The following MGARP variants were observed in gnomAD, a reference collection of about 807,000 sequenced individuals.
MGARP encodes protein MGARP.
MGARP carries 12 observed loss-of-function variants against 11.0 expected under a neutral mutation model. That is an observed-to-expected ratio of 1.09 (90% CI 0.70 to 1.77). The LOEUF is 1.77. Ranked by LOEUF, MGARP falls within the 40% of genes most tolerant of loss-of-function variation. MGARP has a pLI of 0.00. For missense variants in MGARP, 283 were observed against 297.8 expected, an observed-to-expected ratio of 0.95 and a Z score of 0.36; for synonymous variants, 110 against 115.4, an observed-to-expected ratio of 0.95 and a Z score of 0.30.
At chr4:139,275,505 A>G in intron 1 of MGARP, 113 bp from the exon 2 acceptor site, 2 of 745,038 alleles carry the variant, frequency 2.7e-6, no homozygotes, top group Admixed American at 2.7e-5. Context: ...TATTAACATC[A>G]AGTGATTTTA....
intron 1 of MGARP, 84 bp from the exon 2 acceptor site, chr4:139,275,476 A>G: frequency 9.7e-7 from 1 of 1,032,978 alleles, no homozygotes; most frequent in Non-Finnish European, 1.5e-6. Flanking sequence ...AAATTTTTCT[A>G]CTCAGTGAAC....
intron 1 of MGARP, among the ~76,000 whole-genome samples, chr4:139,277,815 CTAAAACG>C (rs1488267422): frequency 6.6e-6 from 1 of 152,164 alleles, no homozygotes; most frequent in Non-Finnish European, 1.5e-5. Context: ...ACTAAATATA[CTAAAACG>C]TAATTAGTTG....
At chr4:139,269,892 T>C (rs1268297964) in intron 2 of MGARP, among the ~76,000 whole-genome samples, 1 of 152,158 alleles carries the variant, frequency 6.6e-6, no homozygotes, top group East Asian at 1.9e-4. Context: ...AATTTATTTA[T>C]ATATAGTGTC....
intron 1 of MGARP, 151 bp downstream of exon 1, chr4:139,279,926 G>A: frequency 1.3e-6 from 1 of 785,276 alleles, no homozygotes; most frequent in Admixed American, 2.5e-5. Flanking sequence ...CGTCTTCCCG[G>A]GAGTCTCCCC....
chr4:139,267,071 T>C (rs1441913668), intron 3 of MGARP, 30 bp from the exon 4 acceptor site: 2 of 1,595,922 alleles, frequency 1.3e-6, no homozygotes, highest in Non-Finnish European at 1.7e-6. Flanking sequence ...AGCAAGGTAT[T>C]AATTTAAAGA....
intron 2 of MGARP, among the ~76,000 whole-genome samples, chr4:139,270,740 A>G (rs946328662): frequency 4.6e-5 from 7 of 152,118 alleles, no homozygotes; most frequent in Admixed American, 4.6e-4. Context: ...AAACATACAG[A>G]GCAAATATGA....
chr4:139,279,396 T>C (rs776575781), intron 1 of MGARP, among the ~76,000 whole-genome samples: 2 of 152,184 alleles, frequency 1.3e-5, no homozygotes, highest in Non-Finnish European at 2.9e-5. Context: ...GGTGTCGATA[T>C]TTGGACTACA....
At chr4:139,272,806 CT>C (rs1427464107) in intron 2 of MGARP, among the ~76,000 whole-genome samples, 1 of 150,838 alleles carries the variant, frequency 6.6e-6, no homozygotes, top group Middle Eastern at 3.2e-3. Flanking sequence ...CTGCCTCAGC[CT>C]CCAGAGTAGC....
intron 2 of MGARP, among the ~76,000 whole-genome samples, chr4:139,274,336 T>C (rs911501463): frequency 1.3e-5 from 2 of 152,108 alleles, no homozygotes; most frequent in Non-Finnish European, 2.9e-5. Context: ...TTAACAAATG[T>C]TCCACATCAG....
At position 139,267,034 on chromosome 4, in the gene MGARP, C is replaced by T. The variant is rs763828518; in HGVS notation, c.288G>A (p.Lys96=). The change falls in exon 4 of 4, where the codon AAG becomes AAA. Residue 96 remains lysine, a synonymous_variant. Coordinates refer to ENST00000398955, the MANE Select transcript of MGARP (RefSeq NM_032623.4). ...KAEIHPFQGE[K]ENVAETEKAS... ...CTTTCTCAGTTTCCGCAACATTCTC[C>T]TTTTCACCTTTAAGAATTAGTCATT... The T allele has an allele frequency of 2.1e-5, 34 of 1,612,402 alleles. No homozygotes were observed. The East Asian group carries it at 7.1e-4, about 34-fold the overall frequency.
Position 139,280,093 on chromosome 4 carries a change from C to G in MGARP, c.66G>C (p.Ala22=), listed in dbSNP as rs746185035. Residue 22 remains alanine, a synonymous_variant, in exon 1 of 4, where the codon GCG becomes GCC. Transcript: ENST00000398955. The part of the protein sequence containing the change: ...ALPLRAPPNP[A]PLGKDASLRR... ...CTTACTCACCGTCCTTTCCGAGCGG[C>G]GCGGGGTTGGGGGGCGCCCTCAGCG... 1 of 1,612,342 alleles carries G rather than the reference C, an allele frequency of 6.2e-7. No homozygotes were observed. Among genetic ancestry groups the G allele is most frequent in the Middle Eastern group, 1.7e-4 (1 of 6,056 alleles).
In MGARP at chr4:139,266,510, T is replaced by A; in HGVS notation, c.*89A>T. 1 of 1,261,962 alleles carries A rather than the reference T, an allele frequency of 7.9e-7. No individual in the cohort carries two copies. Among genetic ancestry groups the A allele is most frequent in the Non-Finnish European group, 1.1e-6 (1 of 936,024 alleles). 78.2% of individuals were successfully genotyped at this position (1,261,962 alleles called of 1,614,324 possible). On this transcript the variant is annotated 3_prime_UTR_variant, in exon 4 of 4. Transcript: ENST00000398955. ...TAACGTTTTCTAGAAAATAAGTCTT[T>A]TTTTTTTTAAACTAAGTGTACTAAA...
At chr4:139,269,036 T>A (rs539807840) in intron 2 of MGARP, among the ~76,000 whole-genome samples, 1 of 152,318 alleles carries the variant, frequency 6.6e-6, no homozygotes, top group South Asian at 2.1e-4. Context: ...ACTTATTACC[T>A]GGGTGACAAA....
At chr4:139,272,178 G>T (rs1178652828) in intron 2 of MGARP, among the ~76,000 whole-genome samples, 1 of 152,008 alleles carries the variant, frequency 6.6e-6, no homozygotes, top group African/African-American at 2.4e-5. Context: ...TGGCAGATTA[G>T]TAGAGGACAA....
In MGARP at chr4:139,266,652, CA is replaced by C. The variant is rs1744702259; in HGVS notation, c.669del (p.Asp223GlufsTer46). On this transcript the variant is annotated frameshift_variant, in exon 4 of 4. Coordinates refer to ENST00000398955, the MANE Select transcript of MGARP (RefSeq NM_032623.4). LOFTEE classifies it low-confidence loss of function (END_TRUNC). ...CCAACACTGGCTTCCTCCTGTAAATCATCTCCAGCAGAGGACTCTGACTCAG... is the reference window on the plus strand; with the variant it reads ...CCAACACTGGCTTCCTCCTGTAAATCTCTCCAGCAGAGGACTCTGACTCAG... ...SPAESESSAGDDLQEEASVGS... is the reference protein window; with the variant it reads ...SPAESESSAGXDLQEEASVGS... 1 of 1,613,990 alleles carries C rather than the reference CA, an allele frequency of 6.2e-7. No individual in the cohort carries two copies. Among genetic ancestry groups the C allele is most frequent in the Admixed American group, 1.7e-5 (1 of 59,982 alleles).
chr4:139,270,143 A>G (rs1442244449), intron 2 of MGARP, among the ~76,000 whole-genome samples: 1 of 151,842 alleles, frequency 6.6e-6, no homozygotes, highest in Non-Finnish European at 1.5e-5. Flanking sequence ...TCTACTAAAA[A>G]TACAAAATTA....
chr4:139,278,851 C>T (rs1251939909), intron 1 of MGARP, among the ~76,000 whole-genome samples: 2 of 152,090 alleles, frequency 1.3e-5, no homozygotes, highest in East Asian at 3.9e-4. Context: ...TGTCTTATTT[C>T]TGATACTTGA....
intron 1 of MGARP, among the ~76,000 whole-genome samples, chr4:139,279,733 G>A (rs762893530): frequency 6.6e-6 from 1 of 152,186 alleles, no homozygotes; most frequent in Admixed American, 6.5e-5. Context: ...AGCCAGGCAC[G>A]TTTTTAAGTG....
chr4:139,279,629 C>G (rs970276107), intron 1 of MGARP, among the ~76,000 whole-genome samples: 8 of 152,170 alleles, frequency 5.3e-5, no homozygotes, highest in African/African-American at 1.9e-4. Flanking sequence ...GCTCGCTGAT[C>G]GGCGTCCACC....
Sources: gnomAD v4.1 joint callset for allele counts (sites outside exome capture counted in the v4.1 genomes callset) on GRCh38, gnomAD v4.1.1 for gene constraint, MANE v1.5 for transcripts, NCBI Gene and HGNC (gene_info 2026-07-23, HGNC 2026-07-21) for gene names.